MTUS2: variants seen among roughly 807,000 people sequenced by gnomAD.
The protein encoded by MTUS2 is microtubule-associated tumor suppressor candidate 2.
MTUS2 carries 40 observed loss-of-function variants against 114.1 expected under a neutral mutation model. That is an observed-to-expected ratio of 0.35 (90% confidence interval 0.27 to 0.46). The LOEUF (loss-of-function observed/expected upper bound fraction) is 0.46, where lower values mean the gene tolerates loss of function less well. Among genes scored for constraint, MTUS2 ranks in the 20% least tolerant of loss-of-function variants. The probability of loss-of-function intolerance (pLI) is 1.00; values close to 1 mark genes in which losing one functional copy is unlikely to be tolerated. For missense variants in MTUS2, 1,679 were observed against 1,705.4 expected, an observed-to-expected ratio of 0.98 and a Z score of 0.27; for synonymous variants, 688 against 672.0, an observed-to-expected ratio of 1.02 and a Z score of -0.37.
At chr13:29,118,971 C>T (rs948269607) in intron 5 of MTUS2, among the ~76,000 whole-genome samples, 1 of 152,140 alleles carries the variant, frequency 6.6e-6, no homozygotes, top group African/African-American at 2.4e-5. Context: ...ACCCCTCGAA[C>T]ACAAGTTTGC....
intron 2 of MTUS2, among the ~76,000 whole-genome samples, chr13:28,871,440 C>T (rs1316125325): frequency 6.6e-6 from 1 of 151,914 alleles, no homozygotes; most frequent in Admixed American, 6.6e-5. Context: ...GTAATGAGCA[C>T]TTATTTTATA....
intron 3 of MTUS2, among the ~76,000 whole-genome samples, chr13:29,031,777 A>G (rs907687327): frequency 1.1e-4 from 16 of 152,114 alleles, no homozygotes; most frequent in African/African-American, 3.6e-4. Context: ...GTTGACACAT[A>G]AAATTAACCA....
intron 2 of MTUS2, among the ~76,000 whole-genome samples, chr13:28,977,631 A>C (rs1476341344): frequency 6.6e-6 from 1 of 152,228 alleles, no homozygotes; most frequent in Non-Finnish European, 1.5e-5. Flanking sequence ...CAATCATCAT[A>C]ATGTTACTTC....
chr13:29,350,922 G>C (rs1475504174), intron 7 of MTUS2, among the ~76,000 whole-genome samples: 2 of 142,716 alleles, frequency 1.4e-5, no homozygotes, highest in Non-Finnish European at 3.1e-5. Flanking sequence ...CCCACTTACA[G>C]ATGTCATCAC....
chr13:29,076,527 A>G (rs1156317959), intron 4 of MTUS2, among the ~76,000 whole-genome samples: 3 of 152,142 alleles, frequency 2.0e-5, no homozygotes, highest in Non-Finnish European at 4.4e-5. Context: ...TTGATGGAGG[A>G]TGGAGAACCC....
At chr13:29,076,450 GTGATCCAGTCT>G (rs1283683605) in intron 4 of MTUS2, among the ~76,000 whole-genome samples, 4 of 152,336 alleles carry the variant, frequency 2.6e-5, no homozygotes, top group Middle Eastern at 3.4e-3. Flanking sequence ...GCTTGGCTGA[GTGATCCAGTCT>G]TGGAGCCTCT....
At chr13:29,078,527 G>A (rs1013484283) in intron 4 of MTUS2, among the ~76,000 whole-genome samples, 2 of 152,146 alleles carry the variant, frequency 1.3e-5, no homozygotes, top group Non-Finnish European at 2.9e-5. Flanking sequence ...ACAATTTAAA[G>A]GATACAATTT....
intron 8 of MTUS2, among the ~76,000 whole-genome samples, chr13:29,412,547 A>C (rs1875331179): frequency 6.6e-6 from 1 of 151,968 alleles, no homozygotes; most frequent in African/African-American, 2.4e-5. Flanking sequence ...CTTTTTGTAG[A>C]GTTTCATCAG....
chr13:28,867,883 A>G (rs573071223), intron 2 of MTUS2, among the ~76,000 whole-genome samples: 1 of 152,328 alleles, frequency 6.6e-6, no homozygotes, highest in African/African-American at 2.4e-5. Flanking sequence ...TTTTCTGCAC[A>G]GCCATCATCC....
intron 8 of MTUS2, among the ~76,000 whole-genome samples, chr13:29,421,121 T>A (rs1876072599): frequency 1.3e-5 from 2 of 152,222 alleles, no homozygotes; most frequent in Non-Finnish European, 2.9e-5. Flanking sequence ...GCATCTATTG[T>A]CTGTGTGTGG....
chr13:29,025,723 C>T lies in MTUS2; in HGVS notation c.1025C>T (p.Ala342Val), dbSNP rs1419668151. The T allele has an allele frequency of 1.2e-6, 2 of 1,613,974 alleles. No individual in the cohort carries two copies. Among genetic ancestry groups the T allele is most frequent in the Admixed American group, 1.7e-5 (1 of 60,030 alleles). ...TGCCACAAGGAAGAGAATCTGTCAG[C>T]CTTGGAGGGAAGGGATCCATGTGGG... ...LGCHKEENLS[A>V]LEGRDPCGEA... Residue 342 changes from alanine (A) to valine (V), a missense_variant, in exon 3 of 16, where the codon GCC (alanine) becomes GTC (valine). Coordinates refer to ENST00000612955, the MANE Select transcript of MTUS2 (RefSeq NM_001033602.4).
At chr13:29,078,260 T>G (rs1330258929) in intron 4 of MTUS2, among the ~76,000 whole-genome samples, 1 of 152,230 alleles carries the variant, frequency 6.6e-6, no homozygotes, top group Non-Finnish European at 1.5e-5. Context: ...CTATTAGGAT[T>G]TTATTCATTT....
At chr13:29,219,651 A>T (rs1027646158) in intron 5 of MTUS2, among the ~76,000 whole-genome samples, 1 of 152,218 alleles carries the variant, frequency 6.6e-6, no homozygotes, top group Non-Finnish European at 1.5e-5. Context: ...AGACTGTTTC[A>T]TCTACATTTA....
chr13:29,158,358 C>CCCCCCCCCTTTTTTTTTT, intron 5 of MTUS2, among the ~76,000 whole-genome samples: 1 of 32,048 alleles, frequency 3.1e-5, no homozygotes, highest in African/African-American at 2.1e-4. Flanking sequence ...GTCCACCCCG[C>CCCCCCCCCTTTTTTTTTT]TTTTTTTTTT....
At chr13:29,317,906 T>A (rs1900075983) in intron 6 of MTUS2, among the ~76,000 whole-genome samples, 1 of 152,224 alleles carries the variant, frequency 6.6e-6, no homozygotes, top group African/African-American at 2.4e-5. Flanking sequence ...TCTGATTACA[T>A]CATTCATGTT....
At chr13:29,307,670 G>T in intron 6 of MTUS2, 1 of 1,130,804 alleles carries the variant, frequency 8.8e-7, no homozygotes, top group Non-Finnish European at 1.3e-6. Flanking sequence ...TTCGACGCTG[G>T]GGCTAGCATT....
At chr13:29,381,414 ATTAC>A (rs1872194667) in intron 8 of MTUS2, among the ~76,000 whole-genome samples, 1 of 152,168 alleles carries the variant, frequency 6.6e-6, no homozygotes, top group Admixed American at 6.6e-5. Flanking sequence ...AAATATAAGA[ATTAC>A]TTATAGGTAT....
chr13:29,147,135 AT>A (rs1000230045), intron 5 of MTUS2, among the ~76,000 whole-genome samples: 43 of 151,400 alleles, frequency 2.8e-4, no homozygotes, highest in South Asian at 1.7e-3. Flanking sequence ...TCTAAGCCAC[AT>A]TTTTTTTTAA....
At chr13:29,443,353 C>G (rs1166987600) in intron 9 of MTUS2, among the ~76,000 whole-genome samples, 1 of 152,172 alleles carries the variant, frequency 6.6e-6, no homozygotes, top group Non-Finnish European at 1.5e-5. Context: ...GGGTTGGGTG[C>G]CGGGTGTGCC....
Sources: allele counts gnomAD v4.1 joint callset (sites outside exome capture counted in the v4.1 genomes callset), GRCh38; gene constraint gnomAD v4.1.1; transcripts MANE v1.5; gene names NCBI Gene and HGNC (gene_info 2026-07-23, HGNC 2026-07-21).